The following MSTO1 variants were observed in gnomAD, a reference collection of about 807,000 sequenced individuals.
The protein encoded by MSTO1 is protein misato homolog 1.
Under a neutral mutation model 55.7 loss-of-function variants are expected in MSTO1, and 24 were observed. That is an observed-to-expected ratio of 0.43 (90% CI 0.31 to 0.61). MSTO1 has a LOEUF of 0.61. Ranked by LOEUF, MSTO1 falls within the 20% of genes least tolerant of loss-of-function variation. MSTO1 has a pLI of 0.09. For synonymous variants in MSTO1, 162 were observed against 252.8 expected (o/e 0.64, Z 3.41); for missense variants, 363 against 625.7 (o/e 0.58, Z 4.48).
At chr1:155,591,048 C>T in the MSTO1 span, 37,513 of 1,613,682 alleles carry the variant, frequency 0.023, 551 homozygotes, top group Middle Eastern at 0.051. Context: ...CCTGTGGCAG[C>T]GCCAGCAGTG....
chr1:155,584,274 G>A, the MSTO1 span, among the ~76,000 whole-genome samples: 15 of 152,030 alleles, frequency 9.9e-5, no homozygotes, highest in African/African-American at 3.1e-4. Context: ...TGGGAGGATC[G>A]CTTGAATACG....
chr1:155,588,716 GCAC>G, the MSTO1 span, among the ~76,000 whole-genome samples: 1 of 152,098 alleles, frequency 6.6e-6, no homozygotes, highest in Non-Finnish European at 1.5e-5. Context: ...TGCTCTTACA[GCAC>G]CAAAGAGGAG....
At chr1:155,591,252 G>T in the MSTO1 span, 2 of 1,604,926 alleles carry the variant, frequency 1.2e-6, no homozygotes, top group Non-Finnish European at 1.7e-6. Context: ...CTGCATTCTG[G>T]CAGAGGCCAT....
chr1:155,579,523 T>C, the MSTO1 span, among the ~76,000 whole-genome samples: 1 of 152,138 alleles, frequency 6.6e-6, no homozygotes, highest in South Asian at 2.1e-4. Flanking sequence ...GTAGCATATA[T>C]AGTGGCTAAT....
the MSTO1 span, among the ~76,000 whole-genome samples, chr1:155,580,944 A>C: frequency 1.3e-5 from 2 of 151,184 alleles, no homozygotes; most frequent in African/African-American, 4.9e-5. Context: ...AGAGAACTCT[A>C]ATACTCTAAC....
chr1:155,563,805 T>C, the MSTO1 span: 1 of 349,070 alleles, frequency 2.9e-6, no homozygotes, highest in Admixed American at 3.9e-5. Context: ...ATATGTAAAG[T>C]GGAATTAGCT....
chr1:155,580,295 G>A, the MSTO1 span, among the ~76,000 whole-genome samples: 1 of 151,626 alleles, frequency 6.6e-6, no homozygotes, highest in Non-Finnish European at 1.5e-5. Context: ...GGAGATGGAG[G>A]CAGGACGATC....
the MSTO1 span, among the ~76,000 whole-genome samples, chr1:155,599,903 G>T: frequency 4.6e-5 from 7 of 152,198 alleles, no homozygotes; most frequent in Admixed American, 2.6e-4. Context: ...ATTGCTGCCC[G>T]CATGTCCCAC....
upstream of MSTO1, chr1:155,610,033 C>T: frequency 1.7e-6 from 1 of 580,284 alleles, no homozygotes; most frequent in Non-Finnish European, 3.0e-6. Context: ...GCCCGTGGAG[C>T]CCCGCCCCTC....
chr1:155,613,280 T>C (rs1674717944), intron 11 of MSTO1, 47 bp downstream of exon 11: 4 of 1,595,978 alleles, frequency 2.5e-6, no homozygotes, highest in Non-Finnish European at 3.4e-6. Context: ...TTTTGTCTCA[T>C]ATCCATCTTC....
chr1:155,566,663 T>G, the MSTO1 span, among the ~76,000 whole-genome samples: 1 of 152,060 alleles, frequency 6.6e-6, no homozygotes, highest in Non-Finnish European at 1.5e-5. Context: ...TTACCCAGGC[T>G]GGAGTGCAAT....
At chr1:155,592,826 A>C in the MSTO1 span, among the ~76,000 whole-genome samples, 1 of 152,042 alleles carries the variant, frequency 6.6e-6, no homozygotes, top group Non-Finnish European at 1.5e-5. Context: ...AAGTGCTGGG[A>C]GCGAGCCACT....
At chr1:155,601,233 A>G in the MSTO1 span, among the ~76,000 whole-genome samples, 2 of 151,108 alleles carry the variant, frequency 1.3e-5, no homozygotes, top group Non-Finnish European at 2.9e-5. Context: ...TCCCAGGTTC[A>G]AGTGATTCTC....
At chr1:155,591,828 T>C in the MSTO1 span, among the ~76,000 whole-genome samples, 1 of 151,800 alleles carries the variant, frequency 6.6e-6, no homozygotes, top group Non-Finnish European at 1.5e-5. Flanking sequence ...AGCTTCTAAT[T>C]TGCTTCAAAA....
chr1:155,591,881 A>T, the MSTO1 span, among the ~76,000 whole-genome samples: 36 of 151,880 alleles, frequency 2.4e-4, no homozygotes, highest in Non-Finnish European at 5.1e-4. Flanking sequence ...AGGCAGGAGG[A>T]TCATGCGGGC....
At position 155,611,413 on chromosome 1, in the gene MSTO1, C is replaced by T. The variant is rs567656814; in HGVS notation, c.366+122C>T. ...TAGAATGATATTTTGGGAAAAAGCA[C>T]TCCTTTTCCTAAGGACTGCGACTCG... is the stretch of plus-strand genomic sequence containing the variant. On this transcript the variant is annotated intron_variant, in intron 4 of 13. Coordinates refer to ENST00000245564, the MANE Select transcript of MSTO1 (RefSeq NM_018116.4). The T allele has an allele frequency of 2.1e-4, 341 of 1,590,736 alleles. 1 individual carries two copies. The African/African-American group carries it at 4.3e-3, about 20-fold the overall frequency.
At chr1:155,584,691 A>AAAAAAAAAAAAAAAAAAAG in the MSTO1 span, among the ~76,000 whole-genome samples, 92 of 75,614 alleles carry the variant, frequency 1.2e-3, 1 homozygote, top group East Asian at 1.5e-3. Context: ...AAAAAAAAAA[A>AAAAAAAAAAAAAAAAAAAG]AAAGAAAGAA....
chr1:155,601,754 TTTA>T, the MSTO1 span, among the ~76,000 whole-genome samples: 5 of 152,186 alleles, frequency 3.3e-5, no homozygotes, highest in East Asian at 5.8e-4. Context: ...ATTTATTTAT[TTTA>T]TTATTATTAT....
the MSTO1 span, among the ~76,000 whole-genome samples, chr1:155,567,521 C>T: frequency 6.6e-6 from 1 of 151,620 alleles, no homozygotes; most frequent in Admixed American, 6.6e-5. Context: ...ACCGTGGTCT[C>T]GATCTCCTGA....
Sources: gnomAD v4.1 joint callset for allele counts (sites outside exome capture counted in the v4.1 genomes callset) on GRCh38, gnomAD v4.1.1 for gene constraint, MANE v1.5 for transcripts, NCBI Gene and HGNC (gene_info 2026-07-23, HGNC 2026-07-21) for gene names.